The following HTR4 variants were observed in gnomAD, a reference collection of about 807,000 sequenced individuals.
HTR4 encodes 5-hydroxytryptamine (serotonin) receptor 4, G protein-coupled.
In HTR4, 16 loss-of-function variants were observed where a neutral mutation model predicts 36.8. The ratio of observed to expected loss-of-function variants is 0.43; its 90% CI spans 0.29 to 0.66. The LOEUF (loss-of-function observed/expected upper bound fraction) is 0.66. HTR4 is among the 30% of genes least tolerant of loss of function. HTR4 has a pLI of 0.13. For missense variants in HTR4, 438 were observed against 490.9 expected, an observed-to-expected ratio of 0.89 and a Z score of 1.02; for synonymous variants, 189 against 185.1, an observed-to-expected ratio of 1.02 and a Z score of -0.17.
chr5:148,572,644 T>C lies in HTR4; in HGVS notation c.27-22382A>G, dbSNP rs1760722468. 3.9e-5 allele frequency among the ~76,000 whole-genome samples: 6 copies of C among 152,120 alleles called. No individual in the cohort carries two copies. The South Asian group carries it at 1.2e-3, about 32-fold the overall frequency. ...CTCACTCCAATGTTCAGTCCATGAG[T>C]TCGTCATTACCAATAGTTGTAACTC... On this transcript the variant is annotated intron_variant, in intron 2 of 6. Transcript: ENST00000377888.
chr5:148,543,294 A>G (rs1187442779), intron 4 of HTR4, among the ~76,000 whole-genome samples: 2 of 152,208 alleles, frequency 1.3e-5, no homozygotes, highest in African/African-American at 2.4e-5. Flanking sequence ...GGAGAACAAG[A>G]AGGCAAGATG....
At chr5:148,451,605 T>C (rs1754975138) in intron 5 of HTR4, among the ~76,000 whole-genome samples, 1 of 152,160 alleles carries the variant, frequency 6.6e-6, no homozygotes, top group Non-Finnish European at 1.5e-5. Flanking sequence ...ATGAACCCTA[T>C]GTACCACCTC....
intron 6 of HTR4, among the ~76,000 whole-genome samples, chr5:148,498,278 G>T (rs1167680135): frequency 6.6e-6 from 1 of 152,152 alleles, no homozygotes; most frequent in Non-Finnish European, 1.5e-5. Flanking sequence ...TTGTCAAAAA[G>T]ACTTTAAAGG....
At chr5:148,499,892 C>T (rs1756859470) in intron 6 of HTR4, among the ~76,000 whole-genome samples, 1 of 152,106 alleles carries the variant, frequency 6.6e-6, no homozygotes. Context: ...CTCTCTCTTG[C>T]TCCCCTTCTT....
chr5:148,654,010 G>T, intron 1 of HTR4, 52 bp downstream of exon 1: 6 of 958,446 alleles, frequency 6.3e-6, no homozygotes, highest in Non-Finnish European at 7.4e-6. Context: ...CGTCCCCACC[G>T]GCACCCGTGG....
At chr5:148,513,933 G>C (rs1162330887) in intron 5 of HTR4, among the ~76,000 whole-genome samples, 1 of 152,090 alleles carries the variant, frequency 6.6e-6, no homozygotes, top group Admixed American at 6.6e-5. Flanking sequence ...TGTAGAACTT[G>C]GTGAGGATTT....
At chr5:148,601,759 C>T (rs1305329447) in intron 2 of HTR4, among the ~76,000 whole-genome samples, 6 of 152,168 alleles carry the variant, frequency 3.9e-5, no homozygotes, top group South Asian at 4.1e-4. Context: ...TAAGGTGGTG[C>T]GGCCACACTC....
At chr5:148,551,054 C>T (rs764069941) in intron 2 of HTR4, among the ~76,000 whole-genome samples, 1 of 152,060 alleles carries the variant, frequency 6.6e-6, no homozygotes, top group African/African-American at 2.4e-5. Context: ...CCTCAAAAGC[C>T]AGGGCCATAG....
intron 2 of HTR4, among the ~76,000 whole-genome samples, chr5:148,594,898 G>C (rs2127262074): frequency 6.6e-6 from 1 of 152,196 alleles, no homozygotes; most frequent in Middle Eastern, 3.4e-3. Context: ...CCCATAAATA[G>C]ATTAATGTTT....
At position 148,548,882 on chromosome 5, in the gene HTR4, A is replaced by G. The variant is rs202053450; in HGVS notation, c.153-14T>C. The G allele has an allele frequency of 6.3e-7, 1 of 1,596,400 alleles. No individual in the cohort carries two copies. The highest frequency in any genetic ancestry group is 8.6e-7 in the Non-Finnish European group (1 of 1,165,846). On this transcript the variant is annotated splice_polypyrimidine_tract_variant and intron_variant, in intron 3 of 6. Coordinates refer to ENST00000377888, the MANE Select transcript of HTR4 (RefSeq NM_000870.7). ...GTTTTTATTTTCCTGTGAGTGAAAA[A>G]GTGTAAGAGAGGAGGCAGGGGGAGG...
chr5:148,618,391 C>T (rs1381811242), intron 2 of HTR4, among the ~76,000 whole-genome samples: 1 of 152,258 alleles, frequency 6.6e-6, no homozygotes, highest in Non-Finnish European at 1.5e-5. Flanking sequence ...TCTTCTCCAA[C>T]CAGGCTCAGC....
At chr5:148,451,339 C>A in intron 5 of HTR4, 1 of 1,608,714 alleles carries the variant, frequency 6.2e-7, no homozygotes, top group Non-Finnish European at 8.5e-7. Flanking sequence ...AAGTCAAGAG[C>A]ACTCCTTCTA....
chr5:148,646,174 G>T (rs1014009527), intron 1 of HTR4: 6 of 152,216 alleles, frequency 3.9e-5, no homozygotes, highest in Admixed American at 3.9e-4. Flanking sequence ...ATGATTCCTG[G>T]AGAGCAGTTC....
chr5:148,523,629 C>A (rs1306254155), intron 4 of HTR4, among the ~76,000 whole-genome samples: 8 of 152,228 alleles, frequency 5.3e-5, no homozygotes, highest in African/African-American at 1.9e-4. Flanking sequence ...TATAATACAA[C>A]ATGATATACT....
intron 6 of HTR4, among the ~76,000 whole-genome samples, chr5:148,498,760 A>G (rs1416444532): frequency 1.3e-5 from 2 of 152,196 alleles, no homozygotes; most frequent in Non-Finnish European, 2.9e-5. Context: ...CCCAATCCTG[A>G]GATGAACTTC....
chr5:148,456,448 C>T (rs1755103550), intron 5 of HTR4, among the ~76,000 whole-genome samples: 1 of 152,178 alleles, frequency 6.6e-6, no homozygotes, highest in Non-Finnish European at 1.5e-5. Context: ...TAAACATCCT[C>T]AATTTGGGAA....
intron 2 of HTR4, among the ~76,000 whole-genome samples, chr5:148,601,812 A>C (rs1465494373): frequency 2.6e-5 from 4 of 152,146 alleles, no homozygotes; most frequent in Non-Finnish European, 5.9e-5. Context: ...ATAAATAAAT[A>C]AATAGGAATT....
At position 148,637,071 on chromosome 5, in the gene HTR4, G is replaced by A. The variant is rs1396846628; in HGVS notation, c.-47-10C>T. 6.3e-7 allele frequency: 1 copy of A among 1,583,010 alleles called. No individual in the cohort carries two copies. Among genetic ancestry groups the A allele is most frequent in the Non-Finnish European group, 8.7e-7 (1 of 1,155,188 alleles). On this transcript the variant is annotated splice_polypyrimidine_tract_variant and intron_variant, in intron 1 of 6. Transcript: ENST00000377888. ...CAATGCCCACAGGGTCCTAAAATGG[G>A]GGAAGTAAAAAGATGTTATAAAAGA...
At chr5:148,531,106 T>C (rs538520047) in intron 4 of HTR4, among the ~76,000 whole-genome samples, 2 of 152,268 alleles carry the variant, frequency 1.3e-5, no homozygotes, top group East Asian at 3.9e-4. Flanking sequence ...AGATGAGATG[T>C]TGGACTGTGG....
Sources: gnomAD v4.1 joint callset for allele counts (sites outside exome capture counted in the v4.1 genomes callset) on GRCh38, gnomAD v4.1.1 for gene constraint, MANE v1.5 for transcripts, NCBI Gene and HGNC (gene_info 2026-07-23, HGNC 2026-07-21) for gene names.